The following CENPE variants were observed in gnomAD, a reference collection of about 807,000 sequenced individuals.
The protein encoded by CENPE is centromere-associated protein E.
CENPE carries 145 observed loss-of-function variants against 336.1 expected under a neutral mutation model. The ratio of observed to expected loss-of-function variants is 0.43; its 90% CI spans 0.38 to 0.50. The LOEUF (loss-of-function observed/expected upper bound fraction) is 0.50. CENPE is among the 20% of genes least tolerant of loss of function. CENPE has a pLI of 0.00. For synonymous variants in CENPE, 1,013 were observed against 984.8 expected (o/e 1.03, Z -0.54); for missense variants, 2,719 against 3,023.3 (o/e 0.90, Z 2.36).
At chr4:103,197,714 A>C (rs1757845949) in intron 1 of CENPE, among the ~76,000 whole-genome samples, 1 of 152,062 alleles carries the variant, frequency 6.6e-6, no homozygotes, top group South Asian at 2.1e-4. Flanking sequence ...AACATCCTAC[A>C]TTTTCAACTT....
At chr4:103,170,189 C>A (rs976056394) in intron 16 of CENPE, among the ~76,000 whole-genome samples, 1 of 151,994 alleles carries the variant, frequency 6.6e-6, no homozygotes. Flanking sequence ...TGTTAAATGA[C>A]GAGTTAATGG....
At chr4:103,175,778 T>A (rs1195159556) in intron 15 of CENPE, among the ~76,000 whole-genome samples, 182 bp downstream of exon 15, 1 of 152,132 alleles carries the variant, frequency 6.6e-6, no homozygotes, top group East Asian at 1.9e-4. Context: ...CATGTCTGCC[T>A]TATGAAATTT....
Position 103,158,435 on chromosome 4 carries a change from T to C in CENPE, c.2898A>G (p.Leu966=). ...VNMNIDTQEQ[L]RNALESLKQH... ...GTTTCAGAGACTCAAGAGCATTTCG[T>C]AATTGTTCTTGAGTATCTATATTCT... is the stretch of plus-strand genomic sequence containing the variant. The change falls in exon 24 of 49, where the codon TTA becomes TTG. Residue 966 remains leucine (L), a synonymous_variant. Transcript: ENST00000265148. 1 of 1,591,416 alleles carries C rather than the reference T, an allele frequency of 6.3e-7. No homozygotes were observed. Among genetic ancestry groups the C allele is most frequent in the Non-Finnish European group, 8.5e-7 (1 of 1,170,086 alleles).
chr4:103,161,901 T>C (rs1754473475), intron 18 of CENPE, among the ~76,000 whole-genome samples: 1 of 151,440 alleles, frequency 6.6e-6, no homozygotes, highest in Admixed American at 6.6e-5. Flanking sequence ...AACAAGAAAC[T>C]TACAGATGAG....
rs1287730412 is a variant in CENPE, at chr4:103,122,750, C to A, written c.7143+121G>T. 4.3e-6 allele frequency: 3 copies of A among 695,468 alleles called. No homozygotes were observed. The East Asian group carries it at 8.0e-5, about 19-fold the overall frequency. The allele number at this position is 695,468 out of a possible 1,614,324, so 43.1% of individuals were successfully genotyped here. ...CCATAGTAGAACTACTAGTAAAAAT[C>A]AAGCCCATCACTTACAAAAATAAAT... is the stretch of plus-strand genomic sequence containing the variant. On this transcript the variant is annotated intron_variant, in intron 43 of 48. Transcript: ENST00000265148.
intron 16 of CENPE, among the ~76,000 whole-genome samples, chr4:103,173,246 G>T (rs927427710): frequency 3.9e-5 from 6 of 152,018 alleles, no homozygotes; most frequent in Non-Finnish European, 7.4e-5. Flanking sequence ...AAGAACATAT[G>T]TTGGGGAAAG....
Position 103,108,797 on chromosome 4 carries a change from A to T in CENPE, c.8011+6T>A, listed in dbSNP as rs778905581. 2.5e-6 allele frequency: 4 copies of T among 1,610,654 alleles called. No homozygotes were observed. The South Asian group carries it at 4.4e-5, about 18-fold the overall frequency. On this transcript the variant is annotated splice_donor_region_variant and intron_variant, in intron 48 of 48. Transcript: ENST00000265148. ...TGATTTCCAAGTAACCAGTATATTTACTTACCTGGACAAAGGCCTAAACTT... is the reference window on the plus strand; with the variant it reads ...TGATTTCCAAGTAACCAGTATATTTTCTTACCTGGACAAAGGCCTAAACTT...
chr4:103,160,845 G>A, intron 20 of CENPE, 66 bp from the exon 21 acceptor site: 2 of 1,351,770 alleles, frequency 1.5e-6, no homozygotes, highest in Non-Finnish European at 2.0e-6. Flanking sequence ...ATTTTTAATT[G>A]TCCTTGAATC....
chr4:103,138,805 A>T (rs1488098033), intron 38 of CENPE, among the ~76,000 whole-genome samples: 3 of 152,166 alleles, frequency 2.0e-5, no homozygotes, highest in African/African-American at 7.2e-5. Context: ...GGAGCTCAAA[A>T]CCAGCCTCAG....
At chr4:103,191,564 C>T (rs541382324) in intron 8 of CENPE, among the ~76,000 whole-genome samples, 23 of 149,056 alleles carry the variant, frequency 1.5e-4, no homozygotes, top group Middle Eastern at 3.4e-3. Flanking sequence ...AACCAAACAC[C>T]GCATGTTCTC....
In CENPE at chr4:103,195,158, C is replaced by T; in HGVS notation, c.433G>A (p.Gly145Ser). 1.3e-6 allele frequency: 2 copies of T among 1,592,928 alleles called. No individual in the cohort carries two copies. The highest frequency in any genetic ancestry group is 1.2e-5 in the South Asian group (1 of 86,430). ...YNETITDLLC[G>S]TQKMKPLIIR... ...ATTAAAGGTTTCATTTTTTGAGTGC[C>T]ACAGAGTAAATCTGTAATGGTTTCA... The change falls in exon 5 of 49, where the codon GGC (glycine) becomes AGC (serine). Residue 145 changes from glycine to serine, a missense_variant. Gly to Ser is a moderately conservative substitution (Grantham distance 56). Around this residue, in one of 5 missense-constraint regions of CENPE, gnomAD observed 106 missense variants for 189.3 expected, o/e 0.56. Transcript: ENST00000265148.
intron 42 of CENPE, among the ~76,000 whole-genome samples, chr4:103,124,414 T>G (rs1404904391): frequency 6.6e-6 from 1 of 152,190 alleles, no homozygotes; most frequent in Non-Finnish European, 1.5e-5. Flanking sequence ...CTTTATTAGA[T>G]TTGTACTAAC....
chr4:103,165,350 C>T (rs1349689000), intron 16 of CENPE, among the ~76,000 whole-genome samples: 2 of 152,130 alleles, frequency 1.3e-5, no homozygotes, highest in Non-Finnish European at 2.9e-5. Context: ...TCTCATTCCT[C>T]GAGTATGGTG....
Position 103,145,542 on chromosome 4 carries a change from T to C in CENPE, c.4553A>G (p.Asn1518Ser), listed in dbSNP as rs199596927. The C allele has an allele frequency of 2.2e-5, 35 of 1,604,320 alleles. 1 individual carries two copies. Among genetic ancestry groups the C allele is most frequent in the South Asian group, 2.2e-4 (19 of 88,308 alleles). ...STIQKQLEAINDKLQNKIQEI... is the reference protein window; with the variant it reads ...STIQKQLEAISDKLQNKIQEI... ...ATTTACCTTGTTCTGTAATTTATCA[T>C]TGATTGCTTCTAACTGCTTTTGAAT... The change falls in exon 31 of 49, where the codon AAT becomes AGT. Residue 1518 changes from asparagine (N) to serine (S), a missense_variant. Asn to Ser is a conservative substitution (Grantham distance 46). Transcript: ENST00000265148.
intron 44 of CENPE, among the ~76,000 whole-genome samples, chr4:103,117,731 G>A (rs536560087): frequency 3.3e-5 from 5 of 149,706 alleles, no homozygotes; most frequent in East Asian, 2.0e-4. Flanking sequence ...GGGTTCAAGC[G>A]ATTCTCCTGC....
At chr4:103,136,419 GT>G (rs1752075014) in intron 39 of CENPE, 60 bp from the exon 40 acceptor site, 1 of 1,160,864 alleles carries the variant, frequency 8.6e-7, no homozygotes, top group Admixed American at 2.3e-5. Context: ...ACAATAAGTA[GT>G]TACAACTCTA....
intron 18 of CENPE, among the ~76,000 whole-genome samples, chr4:103,162,011 G>A (rs1377306275): frequency 1.3e-5 from 2 of 152,022 alleles, no homozygotes; most frequent in African/African-American, 4.8e-5. Context: ...TCAATGATAT[G>A]TCCTTGGAAA....
rs61751596 is a variant in CENPE at position 103,159,109 on chromosome 4, C to T, written c.2502G>A (p.Lys834=). 6.2e-7 allele frequency: 1 copy of T among 1,603,188 alleles called. No homozygotes were observed. Among genetic ancestry groups the T allele is most frequent in the Non-Finnish European group, 8.5e-7 (1 of 1,176,202 alleles). Residue 834 remains lysine, a synonymous_variant, in exon 22 of 49, where the codon AAG becomes AAA. Coordinates refer to ENST00000265148, the MANE Select transcript of CENPE (RefSeq NM_001813.3). ...TLHMDFEQKY[K]MVLEENERMN... ...TTCTCTCATTCTCCTCAAGGACCAT[C>T]TTATACTTTTGCTCAAAGTCCATAT...
chr4:103,166,451 G>A (rs898623846), intron 16 of CENPE, among the ~76,000 whole-genome samples: 1 of 152,098 alleles, frequency 6.6e-6, no homozygotes, highest in Non-Finnish European at 1.5e-5. Context: ...ATGACATTTT[G>A]CACTTCATTA....
Sources: gnomAD v4.1 joint callset for allele counts (sites outside exome capture counted in the v4.1 genomes callset) on GRCh38, gnomAD v4.1.1 for gene constraint, gnomAD v4.1.1 regional missense constraint, MANE v1.5 for transcripts, NCBI Gene and HGNC (gene_info 2026-07-23, HGNC 2026-07-21) for gene names.